Variants in COL21A1 observed in about 807,000 individuals in gnomAD.
COL21A1 encodes collagen alpha-1(XXI) chain.
In COL21A1, 149 loss-of-function variants were observed where a neutral mutation model predicts 137.9. The observed-to-expected ratio is 1.08, with a 90% CI of 0.95 to 1.24. The LOEUF is 1.24. Ranked by LOEUF, COL21A1 falls within the 50% of genes most tolerant of loss-of-function variation. The probability of loss-of-function intolerance (pLI) is 0.00; values close to 1 mark genes in which losing one functional copy is unlikely to be tolerated. For missense variants in COL21A1, 1,167 were observed against 1,158.4 expected (o/e 1.01, Z -0.11); for synonymous variants, 456 against 391.5 (o/e 1.16, Z -1.95).
At chr6:56,058,793 T>A (rs546494009) in intron 29 of COL21A1, among the ~76,000 whole-genome samples, 20 of 152,132 alleles carry the variant, frequency 1.3e-4, no homozygotes, top group Non-Finnish European at 2.5e-4. Flanking sequence ...AACTGAGACA[T>A]GGCAGAGTTA....
intron 1 of COL21A1, among the ~76,000 whole-genome samples, chr6:56,305,686 C>G (rs1764428716): frequency 6.6e-6 from 1 of 152,132 alleles, no homozygotes; most frequent in African/African-American, 2.4e-5. Context: ...GACTCTTGAT[C>G]CAATTTGCCA....
chr6:56,063,342 G>T (rs1048523182), intron 24 of COL21A1, among the ~76,000 whole-genome samples: 1 of 152,068 alleles, frequency 6.6e-6, no homozygotes, highest in Admixed American at 6.6e-5. Context: ...TTGATAAAAG[G>T]TCTGGGCTGT....
chr6:56,112,908 T>A (rs1167643168), intron 16 of COL21A1, among the ~76,000 whole-genome samples: 1 of 152,086 alleles, frequency 6.6e-6, no homozygotes, highest in Admixed American at 6.6e-5. Context: ...GGTCTCAAAC[T>A]CCTGACCTCA....
chr6:56,182,383 G>A, intron 2 of COL21A1, 148 bp downstream of exon 2: 1 of 595,716 alleles, frequency 1.7e-6, no homozygotes, highest in Non-Finnish European at 3.0e-6. Context: ...CTCAGTTAAT[G>A]AGTAACATAG....
intron 1 of COL21A1, among the ~76,000 whole-genome samples, chr6:56,336,738 G>T (rs985999716): frequency 1.6e-4 from 25 of 152,182 alleles, no homozygotes; most frequent in Non-Finnish European, 3.2e-4. Context: ...AGGACCAATA[G>T]CAGCATCTGT....
intron 1 of COL21A1, among the ~76,000 whole-genome samples, chr6:56,315,589 C>G (rs773578290): frequency 6.7e-6 from 1 of 149,716 alleles, no homozygotes; most frequent in Non-Finnish European, 1.5e-5. Context: ...TCCCTAGAGG[C>G]TGTTCTTAGC....
At chr6:56,280,333 G>A (rs191557584) in intron 1 of COL21A1, among the ~76,000 whole-genome samples, 2 of 152,254 alleles carry the variant, frequency 1.3e-5, no homozygotes, top group African/African-American at 4.8e-5. Context: ...TTTATTGCTC[G>A]ATTCTGCTTC....
At chr6:56,290,176 T>C (rs1764006934) in intron 1 of COL21A1, among the ~76,000 whole-genome samples, 1 of 152,144 alleles carries the variant, frequency 6.6e-6, no homozygotes, top group African/African-American at 2.4e-5. Flanking sequence ...ATAAATGAAT[T>C]AGCAAACAGA....
At chr6:56,342,884 A>G (rs1765503428) in intron 1 of COL21A1, among the ~76,000 whole-genome samples, 1 of 152,204 alleles carries the variant, frequency 6.6e-6, no homozygotes, top group Non-Finnish European at 1.5e-5. Flanking sequence ...AATCCAGCAG[A>G]ATATGTTCAG....
intron 16 of COL21A1, among the ~76,000 whole-genome samples, chr6:56,122,045 T>C (rs1271386007): frequency 1.3e-5 from 2 of 152,130 alleles, no homozygotes; most frequent in Admixed American, 1.3e-4. Context: ...AAGTGATATA[T>C]TCCTACAATA....
chr6:56,127,704 G>A (rs1222329473), intron 12 of COL21A1, among the ~76,000 whole-genome samples: 1 of 152,174 alleles, frequency 6.6e-6, no homozygotes, highest in Non-Finnish European at 1.5e-5. Flanking sequence ...AATAAGACGT[G>A]TGAAGTCTGA....
chr6:56,156,772 A>G (rs1036304912), intron 10 of COL21A1, 115 bp downstream of exon 10: 2 of 829,426 alleles, frequency 2.4e-6, no homozygotes, highest in East Asian at 2.7e-5. Context: ...TCTCCTTCCT[A>G]TGGCAGCAGT....
At position 56,125,980 on chromosome 6, in the gene COL21A1, CT is replaced by C; in HGVS notation, c.1596+115del. Reference sequence around the variant, plus strand: ...AATATTAATCTTAGCCCATTGTTTACTTTATCTCTAATTATATATGAACATT... The same window carrying C: ...AATATTAATCTTAGCCCATTGTTTACTTATCTCTAATTATATATGAACATT... On this transcript the variant is annotated intron_variant, in intron 13 of 29. Coordinates refer to ENST00000244728, the MANE Select transcript of COL21A1 (RefSeq NM_030820.4). 9.5e-6 allele frequency: 5 copies of C among 524,198 alleles called. No homozygotes were observed. The South Asian group carries it at 1.3e-4, about 13-fold the overall frequency. The allele number at this position is 524,198 out of a possible 1,614,324, so 32.5% of individuals were successfully genotyped here.
chr6:56,062,989 G>A (rs1765943951), intron 24 of COL21A1, among the ~76,000 whole-genome samples: 1 of 152,108 alleles, frequency 6.6e-6, no homozygotes, highest in African/African-American at 2.4e-5. Flanking sequence ...CACATGTGTT[G>A]TGCTTGGTAG....
chr6:56,114,947 G>A (rs1771784382), intron 16 of COL21A1, among the ~76,000 whole-genome samples: 1 of 150,724 alleles, frequency 6.6e-6, no homozygotes, highest in Non-Finnish European at 1.5e-5. Flanking sequence ...TGATAGACTG[G>A]ATTAAGAAAA....
chr6:56,386,919 A>G (rs2094019312), intron 1 of COL21A1, among the ~76,000 whole-genome samples: 2 of 152,238 alleles, frequency 1.3e-5, no homozygotes, highest in Admixed American at 1.3e-4. Flanking sequence ...TTTGAAAGAA[A>G]GGGAGAAGTG....
At chr6:56,258,333 C>T (rs1763165170) in intron 1 of COL21A1, among the ~76,000 whole-genome samples, 1 of 151,922 alleles carries the variant, frequency 6.6e-6, no homozygotes. Context: ...TTTTTAGGTA[C>T]CCTTCAGCCT....
At position 56,166,938 on chromosome 6, in the gene COL21A1, T is replaced by C; in HGVS notation, c.1246A>G (p.Asn416Asp). 1 of 1,612,958 alleles carries C rather than the reference T, an allele frequency of 6.2e-7. No individual in the cohort carries two copies. Reference sequence around the variant, plus strand: ...GGAATCTCACATGCTGTCTCCCGGTTGTTCTGTTCTGGGTCACAGTAGATT... The same window carrying C: ...GGAATCTCACATGCTGTCTCCCGGTCGTTCTGTTCTGGGTCACAGTAGATT... ...LRIYCDPEQN[N>D]RETACEIPGF... Residue 416 changes from asparagine (N) to aspartate (D), a missense_variant, in exon 7 of 30, where the codon AAC becomes GAC. Physicochemically the swap from Asn to Asp is conservative, Grantham distance 23. Transcript: ENST00000244728.
upstream of COL21A1, among the ~76,000 whole-genome samples, chr6:56,251,817 T>C (rs1306641923): frequency 5.3e-5 from 8 of 152,184 alleles, no homozygotes; most frequent in African/African-American, 1.2e-4. Flanking sequence ...AATATGACAA[T>C]GTCCTCACTT....
Sources: gnomAD v4.1 joint callset for allele counts (sites outside exome capture counted in the v4.1 genomes callset) on GRCh38, gnomAD v4.1.1 for gene constraint, MANE v1.5 for transcripts, NCBI Gene and HGNC (gene_info 2026-07-23, HGNC 2026-07-21) for gene names.